CYP7B1: variants seen among roughly 807,000 people sequenced by gnomAD.
CYP7B1 encodes cytochrome P450 family 7 subfamily B member 1.
CYP7B1 carries 29 observed loss-of-function variants against 42.7 expected under a neutral mutation model. That is an observed-to-expected ratio of 0.68 (90% CI 0.51 to 0.93). The LOEUF (loss-of-function observed/expected upper bound fraction) is 0.93, where lower values mean the gene tolerates loss of function less well. Among genes scored for constraint, CYP7B1 ranks in the 40% least tolerant of loss-of-function variants. The pLI, the probability that CYP7B1 is intolerant of heterozygous loss-of-function variation, is 0.00. For missense variants in CYP7B1, 655 were observed against 600.5 expected, an observed-to-expected ratio of 1.09 and a Z score of -0.95; for synonymous variants, 235 against 218.2, an observed-to-expected ratio of 1.08 and a Z score of -0.68.
rs1563536228 is a variant in CYP7B1 at position 64,595,030 on chromosome 8, T to TTGAG, written c.*1608_*1611dup. ...TCAGAGAGAAGAGACAGACTACCTA[T>TTGAG]TGAGTAATTAAACTCACTAACGGCT... On this transcript the variant is annotated 3_prime_UTR_variant, in exon 6 of 6. Coordinates refer to ENST00000310193, the MANE Select transcript of CYP7B1 (RefSeq NM_004820.5). 1.3e-5 allele frequency among the ~76,000 whole-genome samples: 2 copies of TTGAG among 152,222 alleles called. No individual in the cohort carries two copies. Among genetic ancestry groups the TTGAG allele is most frequent in the African/African-American group, 4.8e-5 (2 of 41,462 alleles).
chr8:64,723,195 C>T (rs1160514765), intron 1 of CYP7B1, among the ~76,000 whole-genome samples: 1 of 152,204 alleles, frequency 6.6e-6, no homozygotes, highest in Admixed American at 6.5e-5. Context: ...TCCAGTGACA[C>T]ATTCCATCAA....
In CYP7B1 at chr8:64,798,595, G is replaced by T. The variant is rs1213005919; in HGVS notation, c.-8C>A. On this transcript the variant is annotated 5_prime_UTR_variant, in exon 1 of 6. Transcript: ENST00000310193. ...GGACACTTCTCCTGCCATCCGGCGC[G>T]CGCTAGGCCGCGGTGGGCAGCCCGG... 1.4e-6 allele frequency: 2 copies of T among 1,457,398 alleles called. No individual in the cohort carries two copies. Among genetic ancestry groups the T allele is most frequent in the Non-Finnish European group, 1.8e-6 (2 of 1,114,522 alleles). 90.3% of individuals were successfully genotyped at this position (1,457,398 alleles called of 1,614,324 possible).
chr8:64,737,531 T>A (rs570136044), intron 1 of CYP7B1, among the ~76,000 whole-genome samples: 1 of 152,326 alleles, frequency 6.6e-6, no homozygotes, highest in East Asian at 1.9e-4. Flanking sequence ...CATTAAAGAG[T>A]TAAATAAATG....
chr8:64,665,949 C>CT (rs1404425141), intron 1 of CYP7B1, among the ~76,000 whole-genome samples: 6 of 152,108 alleles, frequency 3.9e-5, no homozygotes, highest in Admixed American at 3.9e-4. Flanking sequence ...AAAAGCTTGT[C>CT]TTTAAGTATA....
chr8:64,600,891 AG>A (rs1357179968), intron 5 of CYP7B1, among the ~76,000 whole-genome samples: 1 of 152,200 alleles, frequency 6.6e-6, no homozygotes, highest in Non-Finnish European at 1.5e-5. Context: ...GCTATGTGAC[AG>A]GGCTGAGTCC....
chr8:64,767,715 T>C (rs2129634626), intron 1 of CYP7B1, among the ~76,000 whole-genome samples: 1 of 152,336 alleles, frequency 6.6e-6, no homozygotes, highest in Non-Finnish European at 1.5e-5. Context: ...AATAATCCCC[T>C]GCAATTCAGG....
At chr8:64,587,184 C>G (rs1804979318), downstream of CYP7B1, among the ~76,000 whole-genome samples, 13 of 152,222 alleles carry the variant, frequency 8.5e-5, no homozygotes, top group Admixed American at 8.5e-4. Flanking sequence ...TGCAAACACA[C>G]CAAATGACGT....
At chr8:64,667,274 A>C (rs1198558312) in intron 1 of CYP7B1, among the ~76,000 whole-genome samples, 2 of 152,110 alleles carry the variant, frequency 1.3e-5, no homozygotes, top group African/African-American at 4.8e-5. Context: ...GTTTCCCCTA[A>C]GTAATTTGAA....
At chr8:64,599,211 C>T (rs953720442) in intron 5 of CYP7B1, among the ~76,000 whole-genome samples, 7 of 151,652 alleles carry the variant, frequency 4.6e-5, no homozygotes, top group East Asian at 1.9e-4. Flanking sequence ...TTTTTGGAGA[C>T]GGAGTCTCGC....
chr8:64,607,039 T>C (rs1805293229), intron 4 of CYP7B1, among the ~76,000 whole-genome samples: 1 of 152,200 alleles, frequency 6.6e-6, no homozygotes, highest in Non-Finnish European at 1.5e-5. Context: ...CTGGGAGGAC[T>C]TCCATGCTGC....
At chr8:64,615,665 G>GC (rs766450981) in intron 3 of CYP7B1, 26 bp downstream of exon 3, 18 of 1,597,022 alleles carry the variant, frequency 1.1e-5, no homozygotes, top group South Asian at 3.3e-5. Flanking sequence ...TTTATTTTAG[G>GC]CAAGTGCTCA....
chr8:64,651,529 C>T (rs1388191946), intron 1 of CYP7B1, among the ~76,000 whole-genome samples: 1 of 152,194 alleles, frequency 6.6e-6, no homozygotes, highest in Non-Finnish European at 1.5e-5. Context: ...TATCTTGGCT[C>T]CTGCTATGAG....
chr8:64,638,028 T>C (rs769435265), intron 1 of CYP7B1, among the ~76,000 whole-genome samples: 1 of 152,194 alleles, frequency 6.6e-6, no homozygotes, highest in Non-Finnish European at 1.5e-5. Flanking sequence ...AGTTCTCTTA[T>C]ACTCTCCGAT....
intron 1 of CYP7B1, among the ~76,000 whole-genome samples, chr8:64,674,844 T>C (rs1806420859): frequency 1.3e-5 from 2 of 152,260 alleles, no homozygotes; most frequent in South Asian, 2.1e-4. Flanking sequence ...TAGTTGTAAC[T>C]ATCACAAAAT....
In CYP7B1 at chr8:64,633,780, A is replaced by G. The variant is rs182281933; in HGVS notation, c.123-9241T>C. On this transcript the variant is annotated intron_variant, in intron 1 of 5. Transcript: ENST00000310193. Reference sequence around the variant, plus strand: ...TCAACAAACTGATTCTGAAGTTTATATGGAAAGGCAAAAGACAATATTGAA... The same window carrying G: ...TCAACAAACTGATTCTGAAGTTTATGTGGAAAGGCAAAAGACAATATTGAA... Among the ~76,000 whole-genome samples, 25 of 152,318 alleles carry G rather than the reference A, an allele frequency of 1.6e-4. No individual in the cohort carries two copies. The East Asian group carries it at 4.4e-3, about 27-fold the overall frequency.
intron 1 of CYP7B1, among the ~76,000 whole-genome samples, chr8:64,718,394 C>T (rs935888838): frequency 2.0e-5 from 3 of 152,076 alleles, no homozygotes; most frequent in Admixed American, 6.5e-5. Context: ...CAGTACTGCT[C>T]GTCAGGACTA....
intron 5 of CYP7B1, among the ~76,000 whole-genome samples, chr8:64,598,320 G>T (rs1420633004): frequency 1.3e-5 from 2 of 152,144 alleles, no homozygotes; most frequent in Admixed American, 6.5e-5. Flanking sequence ...GACATACAGG[G>T]TCACTGGAGA....
chr8:64,740,933 A>G (rs1264470178), intron 1 of CYP7B1, among the ~76,000 whole-genome samples: 1 of 152,180 alleles, frequency 6.6e-6, no homozygotes, highest in African/African-American at 2.4e-5. Context: ...TTAAGGACAA[A>G]ATAATACCAA....
intron 1 of CYP7B1, among the ~76,000 whole-genome samples, chr8:64,688,549 C>A (rs758542134): frequency 6.6e-6 from 1 of 152,168 alleles, no homozygotes; most frequent in East Asian, 1.9e-4. Flanking sequence ...ATGCACACAT[C>A]CCCTATAAGC....
Sources: gnomAD v4.1 joint callset for allele counts (sites outside exome capture counted in the v4.1 genomes callset) on GRCh38, gnomAD v4.1.1 for gene constraint, MANE v1.5 for transcripts, NCBI Gene and HGNC (gene_info 2026-07-23, HGNC 2026-07-21) for gene names.